The following SPOCK3 variants were observed in gnomAD, a reference collection of about 807,000 sequenced individuals.
SPOCK3 encodes testican-3.
In SPOCK3, 30 loss-of-function variants were observed where a neutral mutation model predicts 56.6. The ratio of observed to expected loss-of-function variants is 0.53; its 90% CI spans 0.40 to 0.72. The LOEUF (loss-of-function observed/expected upper bound fraction) is 0.72, where lower values mean the gene tolerates loss of function less well. Ranked by LOEUF, SPOCK3 falls within the 30% of genes least tolerant of loss-of-function variation. SPOCK3 has a pLI of 0.00. For missense variants in SPOCK3, 527 were observed against 530.0 expected, an observed-to-expected ratio of 0.99 and a Z score of 0.06; for synonymous variants, 196 against 183.3, an observed-to-expected ratio of 1.07 and a Z score of -0.56.
rs540711206 is a variant in SPOCK3, at chr4:167,042,143, C to G, written c.235+20349G>C. On this transcript the variant is annotated intron_variant, in intron 3 of 10. Transcript: ENST00000357545. ...ATGTACAGTCATCCTTTAGCACTGG[C>G]AGAGAATTGATTCCAGGATCTCCAG... Among the ~76,000 whole-genome samples, 504 of 152,224 alleles carry G rather than the reference C, an allele frequency of 3.3e-3. 1 individual carries two copies. The highest frequency in any genetic ancestry group is 5.7e-3 in the Non-Finnish European group (391 of 68,000).
At chr4:166,912,857 A>G in intron 4 of SPOCK3, 114 bp from the exon 5 acceptor site, 1 of 795,412 alleles carries the variant, frequency 1.3e-6, no homozygotes, top group Non-Finnish European at 1.8e-6. Flanking sequence ...CATTAGAATC[A>G]ACAAACTATT....
chr4:166,765,243 A>G (rs1308338784), intron 7 of SPOCK3, among the ~76,000 whole-genome samples: 7 of 152,132 alleles, frequency 4.6e-5, no homozygotes, highest in African/African-American at 1.7e-4. Flanking sequence ...TTGGTGTTTT[A>G]GACATGAAGT....
intron 5 of SPOCK3, among the ~76,000 whole-genome samples, chr4:166,911,237 C>T (rs1333584192): frequency 9.9e-6 from 1 of 101,074 alleles, no homozygotes; most frequent in Non-Finnish European, 2.0e-5. Flanking sequence ...CAGTACTTGG[C>T]ACCTAGTGTG....
intron 4 of SPOCK3, among the ~76,000 whole-genome samples, chr4:166,928,575 G>T (rs1484771865): frequency 6.6e-6 from 1 of 152,158 alleles, no homozygotes; most frequent in African/African-American, 2.4e-5. Flanking sequence ...TTTTAGTGGA[G>T]TGAAACTACT....
At chr4:166,994,122 G>A (rs1748102544) in intron 4 of SPOCK3, among the ~76,000 whole-genome samples, 1 of 152,014 alleles carries the variant, frequency 6.6e-6, no homozygotes, top group African/African-American at 2.4e-5. Flanking sequence ...AGGAACAAGT[G>A]GGCAGGACAT....
chr4:167,133,307 C>T (rs1377338089), intron 2 of SPOCK3, among the ~76,000 whole-genome samples: 1 of 152,094 alleles, frequency 6.6e-6, no homozygotes, highest in East Asian at 1.9e-4. Flanking sequence ...ATGCCAGCAG[C>T]ACCTAGAAAC....
Position 166,987,466 on chromosome 4 carries a change from C to T in SPOCK3, c.350+12883G>A, listed in dbSNP as rs988135282. The stretch of plus-strand genomic sequence containing the variant: ...GCGTATTGTTTGATTTCTTTACTGT[C>T]TGTCTTCCACTCCAAAATGTGAAAG... On this transcript the variant is annotated intron_variant, in intron 4 of 10. Coordinates refer to ENST00000357545, the MANE Select transcript of SPOCK3 (RefSeq NM_001040159.2). 5.9e-5 allele frequency among the ~76,000 whole-genome samples: 9 copies of T among 152,244 alleles called. No homozygotes were observed. In the East Asian group the frequency reaches 7.7e-4, roughly 13 times the overall value.
chr4:166,737,196 ACCT>A (rs1217675745), intron 10 of SPOCK3, among the ~76,000 whole-genome samples: 1 of 152,144 alleles, frequency 6.6e-6, no homozygotes, highest in Non-Finnish European at 1.5e-5. Flanking sequence ...GAAAAGAAGT[ACCT>A]CAACAACTTT....
At chr4:166,769,478 A>G (rs1468268334) in intron 7 of SPOCK3, among the ~76,000 whole-genome samples, 1 of 152,208 alleles carries the variant, frequency 6.6e-6, no homozygotes, top group Non-Finnish European at 1.5e-5. Context: ...CCTGGGTATC[A>G]GCAGCAGAGG....
rs994143035 is a variant in SPOCK3, at chr4:166,870,706, G to A, written c.589+18424C>T. ...TTGAAACATAAAGAAGTGTTTAGAG[G>A]GAAATTTATTGCATTGAATAGATAT... On this transcript the variant is annotated intron_variant, in intron 6 of 10. Transcript: ENST00000357545. 5.9e-5 allele frequency among the ~76,000 whole-genome samples: 9 copies of A among 152,016 alleles called. No homozygotes were observed. In the South Asian group the frequency reaches 1.7e-3, roughly 28 times the overall value.
intron 3 of SPOCK3, among the ~76,000 whole-genome samples, chr4:167,051,992 C>T (rs1207247658): frequency 6.6e-6 from 1 of 152,184 alleles, no homozygotes. Context: ...AATTTGCCTT[C>T]TTGCACACCT....
chr4:167,082,333 T>G (rs1332714501), intron 2 of SPOCK3, among the ~76,000 whole-genome samples: 4 of 152,086 alleles, frequency 2.6e-5, no homozygotes, highest in Non-Finnish European at 5.9e-5. Context: ...GCCAAATCTT[T>G]TACAGAAGTT....
intron 6 of SPOCK3, among the ~76,000 whole-genome samples, chr4:166,824,050 T>A (rs921857): frequency 0.24 from 36,317 of 151,822 alleles, 5,527 homozygotes; most frequent in East Asian, 0.66. Flanking sequence ...TGCTCCTGAG[T>A]GACATCACCA....
chr4:166,969,264 G>A (rs10006814), intron 4 of SPOCK3, among the ~76,000 whole-genome samples: 52,976 of 152,102 alleles, frequency 0.35, 11,003 homozygotes, highest in African/African-American at 0.59. Context: ...TTGGAGAACT[G>A]TTAGGAAGGC....
At position 167,047,793 on chromosome 4, in the gene SPOCK3, A is replaced by C. The variant is rs185944589; in HGVS notation, c.235+14699T>G. Among the ~76,000 whole-genome samples the C allele has an allele frequency of 4.6e-3, 706 of 152,336 alleles. 4 individuals carry two copies. Among genetic ancestry groups the C allele is most frequent in the African/African-American group, 0.016 (664 of 41,568 alleles). On this transcript the variant is annotated intron_variant, in intron 3 of 10. Transcript: ENST00000357545. ...CCTAGTGCTGTGGCTCACGCCTGTA[A>C]TCCCAGCACTTGGGGAGACCCAGGC...
intron 6 of SPOCK3, among the ~76,000 whole-genome samples, chr4:166,830,372 T>C (rs1745906040): frequency 6.6e-6 from 1 of 152,294 alleles, no homozygotes; most frequent in South Asian, 2.1e-4. Flanking sequence ...TAAACATATT[T>C]CATAACTTAT....
At chr4:167,215,940 T>C (rs1337422051) in intron 2 of SPOCK3, among the ~76,000 whole-genome samples, 1 of 152,130 alleles carries the variant, frequency 6.6e-6, no homozygotes, top group Non-Finnish European at 1.5e-5. Context: ...TGCATTAAAA[T>C]CAGAAATTTG....
intron 6 of SPOCK3, among the ~76,000 whole-genome samples, chr4:166,804,476 C>A (rs1308174816): frequency 6.6e-6 from 1 of 152,016 alleles, no homozygotes; most frequent in East Asian, 1.9e-4. Context: ...CAATTCAGGC[C>A]ATAACAGTAG....
At chr4:167,047,928 CCCAGTTACTTAGGAGGCTGAGCCAG>C (rs1453097152) in intron 3 of SPOCK3, among the ~76,000 whole-genome samples, 1 of 152,060 alleles carries the variant, frequency 6.6e-6, no homozygotes, top group Non-Finnish European at 1.5e-5. Flanking sequence ...CACCTGTAAT[CCCAGTTACTTAGGAGGCTGAGCCAG>C]GAGAATTAAT....
Sources: allele counts gnomAD v4.1 joint callset (sites outside exome capture counted in the v4.1 genomes callset), GRCh38; gene constraint gnomAD v4.1.1; transcripts MANE v1.5; gene names NCBI Gene and HGNC (gene_info 2026-07-23, HGNC 2026-07-21).